Variants in GGT5 observed in about 807,000 individuals in gnomAD.
The protein encoded by GGT5 is glutathione hydrolase 5 proenzyme.
A neutral mutation model predicts 58.1 loss-of-function variants in GGT5; 50 were observed. The ratio of observed to expected loss-of-function variants is 0.86; its 90% CI spans 0.69 to 1.09. The LOEUF is 1.09. GGT5 is among the 50% of genes least tolerant of loss of function. GGT5 has a pLI of 0.00. For synonymous variants in GGT5, 370 were observed against 346.1 expected, an observed-to-expected ratio of 1.07 and a Z score of -0.77; for missense variants, 800 against 789.4, an observed-to-expected ratio of 1.01 and a Z score of -0.16.
chr22:24,230,086 A>T (rs1168434760), intron 6 of GGT5, among the ~76,000 whole-genome samples: 2 of 151,492 alleles, frequency 1.3e-5, no homozygotes, highest in Non-Finnish European at 2.9e-5. Flanking sequence ...GATAAAAATC[A>T]TCTGGGCGCG....
At chr22:24,222,798 C>T (rs2047629342) in intron 11 of GGT5, among the ~76,000 whole-genome samples, 2 of 152,180 alleles carry the variant, frequency 1.3e-5, no homozygotes, top group Non-Finnish European at 2.9e-5. Flanking sequence ...AAGGGAGGGG[C>T]CGGGCGCGGT....
At chr22:24,228,392 C>T (rs1174359007) in intron 6 of GGT5, among the ~76,000 whole-genome samples, 1 of 151,496 alleles carries the variant, frequency 6.6e-6, no homozygotes, top group African/African-American at 2.4e-5. Context: ...GTGGCCTGTC[C>T]AGTGCCACCC....
intron 3 of GGT5, among the ~76,000 whole-genome samples, chr22:24,233,242 C>T (rs951533442): frequency 6.6e-6 from 1 of 152,220 alleles, no homozygotes; most frequent in Non-Finnish European, 1.5e-5. Flanking sequence ...CACCCTGCCC[C>T]GCCAACCCAT....
In GGT5 at chr22:24,232,225, G is replaced by GGGGGCCC; in HGVS notation, c.597-18_597-17insGGGCCCC. 1 of 1,212,144 alleles carries GGGGGCCC rather than the reference G, an allele frequency of 8.2e-7. No individual in the cohort carries two copies. Among genetic ancestry groups the GGGGGCCC allele is most frequent in the Non-Finnish European group, 1.1e-6 (1 of 870,952 alleles). 75.1% of individuals were successfully genotyped at this position (1,212,144 alleles called of 1,614,324 possible). Reference sequence around the variant, plus strand: ...AAGAGCTGGCTGGGGGGTGGGGGGAGCCTCAGGGTGGGGCCAGGTCCCAGA... The same window carrying GGGGGCCC: ...AAGAGCTGGCTGGGGGGTGGGGGGAGGGGGCCCCCTCAGGGTGGGGCCAGGTCCCAGA... On this transcript the variant is annotated splice_polypyrimidine_tract_variant and intron_variant, in intron 4 of 11. Coordinates refer to ENST00000327365, the MANE Select transcript of GGT5 (RefSeq NM_004121.5).
intron 1 of GGT5, among the ~76,000 whole-genome samples, chr22:24,236,095 C>T (rs204713): frequency 1.1e-3 from 168 of 152,312 alleles, no homozygotes; most frequent in Admixed American, 2.0e-3. Flanking sequence ...TCCCTACACT[C>T]GAGACACTTA....
In GGT5 at chr22:24,232,215, G is replaced by T. The variant is rs2047965573; in HGVS notation, c.597-7C>A. Reference sequence around the variant, plus strand: ...CCCGTTGAAGAAGAGCTGGCTGGGGGGTGGGGGGAGCCTCAGGGTGGGGCC... The same window carrying T: ...CCCGTTGAAGAAGAGCTGGCTGGGGTGTGGGGGGAGCCTCAGGGTGGGGCC... On this transcript the variant is annotated splice_polypyrimidine_tract_variant and splice_region_variant and intron_variant, in intron 4 of 11. Coordinates refer to ENST00000327365, the MANE Select transcript of GGT5 (RefSeq NM_004121.5). The T allele has an allele frequency of 4.8e-6, 7 of 1,464,524 alleles. No homozygotes were observed. Among genetic ancestry groups the T allele is most frequent in the South Asian group, 2.6e-5 (2 of 77,134 alleles). 90.7% of individuals were successfully genotyped at this position (1,464,524 alleles called of 1,614,324 possible).
At chr22:24,244,316 C>CACACACA in intron 1 of GGT5, 2 of 340,038 alleles carry the variant, frequency 5.9e-6, no homozygotes, top group Admixed American at 4.6e-5. Context: ...CACACACACA[C>CACACACA]CCACCCACAC....
rs2048402475 is a variant in GGT5 at position 24,244,241 on chromosome 22, GCAGGTGCTGAAGCCCACACACA to G, written c.173+290_173+311del. On this transcript the variant is annotated intron_variant, in intron 1 of 11. Coordinates refer to ENST00000327365, the MANE Select transcript of GGT5 (RefSeq NM_004121.5). ...GGCTGCCTCCTTGCGCCCAAGACCT[GCAGGTGCTGAAGCCCACACACA>G]CACGGCTCCTGCTTCCTGGGCCAGT... 2 of 336,168 alleles carry G rather than the reference GCAGGTGCTGAAGCCCACACACA, an allele frequency of 5.9e-6. 1 individual carries two copies. The highest frequency in any genetic ancestry group is 1.1e-5 in the Non-Finnish European group (2 of 179,776). The allele number at this position is 336,168 out of a possible 1,614,324, so 20.8% of individuals were successfully genotyped here.
chr22:24,243,082 A>T (rs2048368980), intron 1 of GGT5: 1 of 152,318 alleles, frequency 6.6e-6, no homozygotes, highest in African/African-American at 2.4e-5. Flanking sequence ...AGGGAGACCC[A>T]GCAGGTCCAG....
At chr22:24,231,952 C>A in intron 5 of GGT5, 99 bp downstream of exon 5, 1 of 1,020,730 alleles carries the variant, frequency 9.8e-7, no homozygotes, top group Non-Finnish European at 1.5e-6. Flanking sequence ...TGCCTGCACT[C>A]CCTCAGGGCC....
Position 24,225,568 on chromosome 22 carries a change from A to T in GGT5, c.1314T>A (p.Gly438=). ...LLDLCERCPR[G]SGTTPSPVSG... is the part of the protein sequence containing the mutation. Reference sequence around the variant, plus strand: ...CACCAGGTGAGGGGGTGGTGCCGGAACCCCGGGGGCATCGCTCGCATAAGT... The same window carrying T: ...CACCAGGTGAGGGGGTGGTGCCGGATCCCCGGGGGCATCGCTCGCATAAGT... Residue 438 remains glycine (G), a synonymous_variant, in exon 9 of 12, where the codon GGT becomes GGA. Coordinates refer to ENST00000327365, the MANE Select transcript of GGT5 (RefSeq NM_004121.5). The T allele has an allele frequency of 6.2e-7, 1 of 1,611,458 alleles. No homozygotes were observed.
At chr22:24,233,824 G>C in intron 2 of GGT5, 50 bp downstream of exon 2, 3 of 1,559,234 alleles carry the variant, frequency 1.9e-6, no homozygotes, top group Middle Eastern at 3.4e-4. Context: ...GGGTTACGCA[G>C]TGGTGTGGAC....
chr22:24,220,257 G>A, intron 11 of GGT5, 141 bp from the exon 12 acceptor site: 1 of 735,014 alleles, frequency 1.4e-6, no homozygotes, highest in South Asian at 1.8e-5. Context: ...GAAGAGGGGA[G>A]GACCAGATGG....
chr22:24,236,740 G>A (rs2048107133), intron 1 of GGT5, among the ~76,000 whole-genome samples: 1 of 144,058 alleles, frequency 6.9e-6, no homozygotes, highest in South Asian at 2.2e-4. Flanking sequence ...TCCAGCCTGG[G>A]CAACGGAGAG....
chr22:24,233,272 C>T (rs762349310), intron 3 of GGT5, among the ~76,000 whole-genome samples: 2 of 152,220 alleles, frequency 1.3e-5, no homozygotes, highest in Non-Finnish European at 2.9e-5. Flanking sequence ...ACCCTCCAGG[C>T]CTTTGTCCAG....
chr22:24,239,157 G>A (rs1473250968), intron 1 of GGT5, among the ~76,000 whole-genome samples: 2 of 148,150 alleles, frequency 1.3e-5, no homozygotes, highest in African/African-American at 5.0e-5. Flanking sequence ...GGCTAACACA[G>A]TGAAACCCGT....
At position 24,219,769 on chromosome 22, in the gene GGT5, C is replaced by G. The variant is rs571118367; in HGVS notation, c.*201G>C. On this transcript the variant is annotated 3_prime_UTR_variant, in exon 12 of 12. Transcript: ENST00000327365. ...GGATAGAGGGGCCGGTTCAGGACCA[C>G]CAGGGGCTCTGGGAAAGGGGGTTAG... 3 of 588,586 alleles carry G rather than the reference C, an allele frequency of 5.1e-6. No homozygotes were observed. In the Admixed American group the frequency reaches 9.1e-5, roughly 18 times the overall value. The allele number at this position is 588,586 out of a possible 1,614,324, so 36.5% of individuals were successfully genotyped here.
chr22:24,236,529 C>G (rs541941678), intron 1 of GGT5, among the ~76,000 whole-genome samples: 2 of 152,246 alleles, frequency 1.3e-5, no homozygotes, highest in African/African-American at 4.8e-5. Context: ...TTTGGGAGGC[C>G]CAGGCAGGCA....
At chr22:24,239,756 G>A (rs973134847) in intron 1 of GGT5, among the ~76,000 whole-genome samples, 1 of 151,978 alleles carries the variant, frequency 6.6e-6, no homozygotes, top group African/African-American at 2.4e-5. Context: ...CCTGTTCCAA[G>A]GTTCTTCTAC....
Sources: gnomAD v4.1 joint callset for allele counts (sites outside exome capture counted in the v4.1 genomes callset) on GRCh38, gnomAD v4.1.1 for gene constraint, MANE v1.5 for transcripts, NCBI Gene and HGNC (gene_info 2026-07-23, HGNC 2026-07-21) for gene names.